Variants in KDM5B observed in about 807,000 individuals in gnomAD.
KDM5B encodes the protein lysine demethylase 5B, also known as lysine-specific demethylase 5B.
Under a neutral mutation model 193.4 loss-of-function variants are expected in KDM5B, and 144 were observed. That is an observed-to-expected ratio of 0.74 (90% CI 0.65 to 0.86). The LOEUF is 0.86. Ranked by LOEUF, KDM5B falls within the 40% of genes least tolerant of loss-of-function variation. The pLI is 0.00. For synonymous variants in KDM5B, 668 were observed against 682.6 expected (o/e 0.98, Z 0.33); for missense variants, 1,833 against 1,886.9 (o/e 0.97, Z 0.53).
At chr1:202,776,719 A>G (rs1040814629) in intron 2 of KDM5B, among the ~76,000 whole-genome samples, 4 of 151,992 alleles carry the variant, frequency 2.6e-5, no homozygotes, top group African/African-American at 9.7e-5. Flanking sequence ...ACACCATCAC[A>G]CGTGGCTAAT....
chr1:202,773,088 A>G (rs1348808625), intron 4 of KDM5B, 30 bp downstream of exon 4: 2 of 1,479,068 alleles, frequency 1.4e-6, no homozygotes, highest in Non-Finnish European at 1.9e-6. Flanking sequence ...TAGTAAGATA[A>G]AACAGGTTAA....
At chr1:202,760,594 A>T (rs1186600819) in intron 7 of KDM5B, 21 bp from the exon 8 acceptor site, 2 of 1,573,216 alleles carry the variant, frequency 1.3e-6, no homozygotes, top group African/African-American at 2.7e-5. Context: ...AAAAGTGGGT[A>T]CAGAACAAAG....
At chr1:202,740,884 C>G (rs1655310608) in intron 19 of KDM5B, 72 bp from the exon 20 acceptor site, 1 of 1,469,202 alleles carries the variant, frequency 6.8e-7, no homozygotes, top group Non-Finnish European at 9.2e-7. Context: ...ACCAAAAAAA[C>G]TAGCATTTCA....
At chr1:202,753,664 G>GTTTTTTTTTT (rs771281999) in intron 11 of KDM5B, among the ~76,000 whole-genome samples, 15 of 105,784 alleles carry the variant, frequency 1.4e-4, no homozygotes, top group Non-Finnish European at 2.3e-4. Flanking sequence ...TGTTGTTGTT[G>GTTTTTTTTTT]TTTTTTTTTT....
Position 202,725,740 on chromosome 1 carries a change from C to G in KDM5B, c.*3296G>C, listed in dbSNP as rs1558474480. ...ATGTAGTTAGTCTGATAATGAATAA[C>G]CAGCTCTGGCTTAATGCTTTACAAT... On this transcript the variant is annotated 3_prime_UTR_variant, in exon 27 of 27. Transcript: ENST00000367265. 4 of 152,220 alleles carry G rather than the reference C, an allele frequency of 2.6e-5. No homozygotes were observed. In the South Asian group the frequency reaches 8.3e-4, roughly 31 times the overall value. 9.4% of individuals were successfully genotyped at this position (152,220 alleles called of 1,614,324 possible). A position where few individuals can be genotyped will look rare whatever the true frequency, so the allele number is the denominator to read the frequency against.
At chr1:202,755,212 A>T (rs1361745577) in intron 11 of KDM5B, 59 bp downstream of exon 11, 1 of 1,363,034 alleles carries the variant, frequency 7.3e-7, no homozygotes, top group African/African-American at 1.4e-5. Flanking sequence ...TGCACTGAAA[A>T]GGAAAGTTTT....
intron 25 of KDM5B, among the ~76,000 whole-genome samples, 164 bp downstream of exon 25, chr1:202,730,745 G>A (rs1654853320): frequency 6.6e-6 from 1 of 152,160 alleles, no homozygotes; most frequent in East Asian, 1.9e-4. Flanking sequence ...TAAGAAACAG[G>A]ACATTAAGGA....
intron 1 of KDM5B, among the ~76,000 whole-genome samples, chr1:202,799,574 A>G (rs1303359310): frequency 1.3e-5 from 2 of 151,454 alleles, no homozygotes; most frequent in Non-Finnish European, 2.9e-5. Flanking sequence ...AATTACTTGA[A>G]CCTGGGAGGC....
chr1:202,740,933 C>A (rs1655312529), intron 19 of KDM5B, 121 bp from the exon 20 acceptor site: 3 of 955,456 alleles, frequency 3.1e-6, no homozygotes, highest in Non-Finnish European at 4.6e-6. Context: ...TTTCAAATGA[C>A]ATTGTCTATT....
chr1:202,790,843 G>A (rs1444199175), intron 1 of KDM5B, among the ~76,000 whole-genome samples: 1 of 152,118 alleles, frequency 6.6e-6, no homozygotes, highest in Non-Finnish European at 1.5e-5. Context: ...TGGAGACCAG[G>A]CCAGCACAAG....
intron 4 of KDM5B, among the ~76,000 whole-genome samples, chr1:202,768,862 C>A (rs934697132): frequency 3.3e-5 from 5 of 151,476 alleles, no homozygotes; most frequent in Admixed American, 6.6e-5. Flanking sequence ...GGATTACAGG[C>A]ATGCACCACC....
At chr1:202,778,901 T>C (rs1284495627) in intron 1 of KDM5B, among the ~76,000 whole-genome samples, 5 of 152,074 alleles carry the variant, frequency 3.3e-5, no homozygotes, top group African/African-American at 9.7e-5. Context: ...GGATTACAAG[T>C]GTGAGCCACC....
chr1:202,801,222 G>C (rs1427852875), intron 1 of KDM5B, among the ~76,000 whole-genome samples: 2 of 151,260 alleles, frequency 1.3e-5, no homozygotes, highest in Admixed American at 1.3e-4. Flanking sequence ...GGGTCTGGCA[G>C]AACAAAATGA....
intron 4 of KDM5B, 101 bp downstream of exon 4, chr1:202,773,017 A>G: frequency 1.1e-6 from 1 of 887,062 alleles, no homozygotes; most frequent in South Asian, 1.7e-5. Context: ...CTTCTAAAAC[A>G]AGGTCTTCCA....
At chr1:202,797,832 C>T (rs1342953011) in intron 1 of KDM5B, among the ~76,000 whole-genome samples, 4 of 152,222 alleles carry the variant, frequency 2.6e-5, no homozygotes, top group African/African-American at 9.6e-5. Flanking sequence ...CACAAATGCA[C>T]CTGCAAATTT....
intron 7 of KDM5B, 62 bp downstream of exon 7, chr1:202,762,637 T>G: frequency 1.0e-6 from 1 of 952,836 alleles, no homozygotes; most frequent in African/African-American, 1.6e-5. Flanking sequence ...TAAAGGGGAT[T>G]AAAGAAAGGA....
intron 20 of KDM5B, among the ~76,000 whole-genome samples, chr1:202,739,619 C>T (rs1009463357): frequency 2.6e-5 from 4 of 152,050 alleles, no homozygotes; most frequent in Admixed American, 6.5e-5. Flanking sequence ...GAGGACCCTG[C>T]GGCCTTCGGC....
At chr1:202,752,086 C>T (rs1655812683) in intron 12 of KDM5B, among the ~76,000 whole-genome samples, 1 of 152,188 alleles carries the variant, frequency 6.6e-6, no homozygotes, top group Admixed American at 6.5e-5. Flanking sequence ...CACTTTAACA[C>T]TGTAAATGTA....
In KDM5B at chr1:202,733,438, C is replaced by T. The variant is rs1654967049; in HGVS notation, c.3872G>A (p.Trp1291Ter). 6.2e-7 allele frequency: 1 copy of T among 1,613,618 alleles called. No individual in the cohort carries two copies. The highest frequency in any genetic ancestry group is 1.7e-5 in the Admixed American group (1 of 60,000). Residue 1291 changes from tryptophan (W) to a stop codon, truncating the protein, a stop_gained, in exon 23 of 27, where the codon TGG becomes TAG. Coordinates refer to ENST00000367265, the MANE Select transcript of KDM5B (RefSeq NM_006618.5). LOFTEE classifies it high-confidence loss of function. The part of the protein sequence containing the change: ...RVGSGLLYSR[W>*]QASAGQVSDT... ...TGACACCTGTCCTGCTGAGGCTTGC[C>T]ATCTGCTATATAACAGTCCTGAGCC...
Sources: allele counts gnomAD v4.1 joint callset (sites outside exome capture counted in the v4.1 genomes callset), GRCh38; gene constraint gnomAD v4.1.1; transcripts MANE v1.5; gene names NCBI Gene and HGNC (gene_info 2026-07-23, HGNC 2026-07-21).